Variants in HIVEP1 observed in about 807,000 individuals in gnomAD.
HIVEP1 encodes zinc finger protein 40.
A neutral mutation model predicts 180.0 loss-of-function variants in HIVEP1; 36 were observed. The ratio of observed to expected loss-of-function variants is 0.20; its 90% confidence interval spans 0.15 to 0.26. HIVEP1 has a LOEUF of 0.26. Among genes scored for constraint, HIVEP1 ranks in the 10% least tolerant of loss-of-function variants. The pLI is 1.00. For synonymous variants in HIVEP1, 1,239 were observed against 1,239.0 expected (o/e 1.00, Z 0.00); for missense variants, 3,143 against 3,268.7 (o/e 0.96, Z 0.94).
At chr6:12,036,319 AT>A (rs764391297) in intron 2 of HIVEP1, among the ~76,000 whole-genome samples, 20 of 152,338 alleles carry the variant, frequency 1.3e-4, no homozygotes, top group Non-Finnish European at 2.5e-4. Context: ...AAAAATGATA[AT>A]TTTTGAAATC....
chr6:12,151,890 A>G (rs1310911044), intron 7 of HIVEP1, among the ~76,000 whole-genome samples: 3 of 151,990 alleles, frequency 2.0e-5, no homozygotes, highest in Admixed American at 1.3e-4. Context: ...TATAACCATT[A>G]CTCACCTGTA....
Position 12,063,624 on chromosome 6 carries a change from G to C in HIVEP1, c.41-25560G>C, listed in dbSNP as rs572548964. On this transcript the variant is annotated intron_variant, in intron 2 of 8. Coordinates refer to ENST00000379388, the MANE Select transcript of HIVEP1 (RefSeq NM_002114.4). This position sits in a 1 kb window ranked among gnomAD's most constrained non-coding sequence, Gnocchi z 4.2. ...TTGGGGAGAGAAGGGGCTTGGATCT[G>C]GGTGGCTGAAGTGGGCAGCTTGGAG... is the stretch of plus-strand genomic sequence containing the variant. 6.6e-6 allele frequency among the ~76,000 whole-genome samples: 1 copy of C among 152,272 alleles called. No homozygotes were observed. Among genetic ancestry groups the C allele is most frequent in the African/African-American group, 2.4e-5 (1 of 41,542 alleles).
intron 2 of HIVEP1, among the ~76,000 whole-genome samples, chr6:12,029,694 T>C (rs1348898279): frequency 6.6e-6 from 1 of 152,200 alleles, no homozygotes; most frequent in Non-Finnish European, 1.5e-5. Context: ...ATATAGAAAC[T>C]TTTCTCCAGT....
chr6:12,189,681 A>G, the HIVEP1 span, among the ~76,000 whole-genome samples: 1 of 152,200 alleles, frequency 6.6e-6, no homozygotes, highest in Non-Finnish European at 1.5e-5. Context: ...TGACAGTAAA[A>G]TCATTAGTCT....
At chr6:12,089,370 A>G in intron 3 of HIVEP1, 133 bp downstream of exon 3, 2 of 510,684 alleles carry the variant, frequency 3.9e-6, no homozygotes, top group South Asian at 3.3e-5. Flanking sequence ...GAACTTATTG[A>G]TACTTAAAAT....
Position 12,123,214 on chromosome 6 carries a change from A to C in HIVEP1, c.3419A>C (p.Asn1140Thr), listed in dbSNP as rs376351349. 1.2e-6 allele frequency: 2 copies of C among 1,613,898 alleles called. No individual in the cohort carries two copies. Among genetic ancestry groups the C allele is most frequent in the Non-Finnish European group, 1.7e-6 (2 of 1,179,964 alleles). Residue 1140 changes from asparagine (N) to threonine (T), a missense_variant, in exon 4 of 9, where the codon AAC becomes ACC. Asn to Thr is a moderately conservative substitution (Grantham distance 65). Transcript: ENST00000379388. ...GGAATCTCTGTCATCCAGCACACCA[A>C]CTCCCTGAGCAGGCCCAACTCATTT... The part of the protein sequence containing the change: ...GTGISVIQHT[N>T]SLSRPNSFDK...
intron 2 of HIVEP1, among the ~76,000 whole-genome samples, chr6:12,071,428 C>T (rs1352019669): frequency 6.6e-6 from 1 of 152,250 alleles, no homozygotes; most frequent in Non-Finnish European, 1.5e-5. Context: ...TACTTTCTGA[C>T]TCACACCATT....
chr6:12,077,830 T>C (rs1772472486), intron 2 of HIVEP1, among the ~76,000 whole-genome samples: 1 of 152,236 alleles, frequency 6.6e-6, no homozygotes, highest in Non-Finnish European at 1.5e-5. Flanking sequence ...TGGACAGTTA[T>C]TTTCACTGTT....
In HIVEP1 at chr6:12,065,692, CGTGT is replaced by C. The variant is rs61620887; in HGVS notation, c.41-23474_41-23471del. Reference sequence around the variant, plus strand: ...TTTTGTGTGTGTGTGTGTGTGTGTGCGTGTGTGTGTGTGTGTGTGTGCATTGAAT... The same window carrying C: ...TTTTGTGTGTGTGTGTGTGTGTGTGCGTGTGTGTGTGTGTGTGCATTGAAT... On this transcript the variant is annotated intron_variant, in intron 2 of 8. Coordinates refer to ENST00000379388, the MANE Select transcript of HIVEP1 (RefSeq NM_002114.4). Among the ~76,000 whole-genome samples the C allele has an allele frequency of 2.7e-3, 394 of 145,012 alleles. 1 individual carries two copies. The highest frequency in any genetic ancestry group is 8.3e-3 in the African/African-American group (328 of 39,586).
chr6:12,139,544 C>T (rs559930699), intron 7 of HIVEP1, among the ~76,000 whole-genome samples: 145 of 152,366 alleles, frequency 9.5e-4, no homozygotes, highest in Non-Finnish European at 1.0e-3. Context: ...TCGCCTCACC[C>T]AGGAAGCACA....
At chr6:12,173,390 G>T in the HIVEP1 span, among the ~76,000 whole-genome samples, 1 of 152,088 alleles carries the variant, frequency 6.6e-6, no homozygotes. Context: ...ACAGCAAATT[G>T]CACTGCTTTT....
intron 7 of HIVEP1, among the ~76,000 whole-genome samples, chr6:12,157,408 T>C (rs760823747): frequency 1.3e-5 from 2 of 152,204 alleles, no homozygotes; most frequent in African/African-American, 2.4e-5. Context: ...ATGCCTTCTC[T>C]AGTATTAACT....
chr6:12,025,360 T>C lies in HIVEP1; in HGVS notation c.40+9692T>C, dbSNP rs550285345. Among the ~76,000 whole-genome samples, 236 of 152,318 alleles carry C rather than the reference T, an allele frequency of 1.5e-3. 1 individual carries two copies. The highest frequency in any genetic ancestry group is 6.8e-3 in the Middle Eastern group (2 of 294). On this transcript the variant is annotated intron_variant, in intron 2 of 8. Coordinates refer to ENST00000379388, the MANE Select transcript of HIVEP1 (RefSeq NM_002114.4). ...TTTAGAATCTATTTCAAGTTGTATA[T>C]GTATATATTATTCCAAGTTAGATTT...
downstream of HIVEP1, among the ~76,000 whole-genome samples, chr6:12,167,950 AT>A (rs1422052424): frequency 2.1e-5 from 2 of 93,086 alleles, no homozygotes; most frequent in Non-Finnish European, 4.4e-5. Flanking sequence ...ATACATGTAC[AT>A]GTATATATGT....
intron 2 of HIVEP1, among the ~76,000 whole-genome samples, chr6:12,033,552 A>T (rs1050873355): frequency 6.6e-6 from 1 of 152,184 alleles, no homozygotes; most frequent in Admixed American, 6.5e-5. Flanking sequence ...ATTTAAGTTA[A>T]TATGGAAGAA....
chr6:12,122,378 A>C lies in HIVEP1; in HGVS notation c.2583A>C (p.Leu861=), dbSNP rs772961993. ...PANIIPPPHP[L]RGSQSFDDKI... is the part of the protein sequence containing the mutation. ...ATATAATACCTCCTCCTCATCCACT[A>C]AGAGGAAGTCAGTCATTTGATGACA... The change falls in exon 4 of 9, where the codon CTA becomes CTC. Residue 861 remains leucine (L), a synonymous_variant. Transcript: ENST00000379388. The C allele has an allele frequency of 6.2e-7, 1 of 1,614,062 alleles. No individual in the cohort carries two copies. The highest frequency in any genetic ancestry group is 1.3e-5 in the African/African-American group (1 of 74,954).
intron 3 of HIVEP1, among the ~76,000 whole-genome samples, chr6:12,092,539 C>T (rs562954136): frequency 6.6e-6 from 1 of 152,214 alleles, no homozygotes. Flanking sequence ...GTGTGAGTTT[C>T]TAGAGCATAT....
upstream of HIVEP1, among the ~76,000 whole-genome samples, chr6:12,011,784 G>T (rs534048491): frequency 6.8e-6 from 1 of 148,146 alleles, no homozygotes; most frequent in Admixed American, 6.7e-5. Context: ...CAGAGCTGGC[G>T]GCCGCGCCGG....
intron 2 of HIVEP1, among the ~76,000 whole-genome samples, chr6:12,074,980 G>A (rs552105126): frequency 1.1e-4 from 16 of 152,230 alleles, no homozygotes; most frequent in African/African-American, 3.4e-4. Flanking sequence ...ATTAGATATC[G>A]TTTAAATTTC....
Sources: gnomAD v4.1 joint callset for allele counts (sites outside exome capture counted in the v4.1 genomes callset) on GRCh38, gnomAD v4.1.1 for gene constraint, Gnocchi (gnomAD v3.1) non-coding constraint, MANE v1.5 for transcripts, NCBI Gene and HGNC (gene_info 2026-07-23, HGNC 2026-07-21) for gene names.